HDX: variants seen among roughly 807,000 people sequenced by gnomAD.
HDX encodes highly divergent homeobox.
HDX carries 19 observed loss-of-function variants against 45.2 expected under a neutral mutation model. The ratio of observed to expected loss-of-function variants is 0.42; its 90% CI spans 0.29 to 0.62. HDX has a LOEUF of 0.62. HDX is among the 20% of genes least tolerant of loss of function. The pLI is 0.20. For missense variants in HDX, 532 were observed against 493.9 expected (o/e 1.08, Z -0.73); for synonymous variants, 188 against 172.8 (o/e 1.09, Z -0.69).
chrX:84,439,303 C>T (rs2148057364), intron 5 of HDX, among the ~76,000 whole-genome samples: 1 of 111,080 alleles, frequency 9.0e-6, no homozygotes. Context: ...GGCTGTTAGA[C>T]CTTTGTCAGA....
intron 4 of HDX, among the ~76,000 whole-genome samples, chrX:84,441,069 G>A (rs963521002): frequency 2.7e-5 from 3 of 110,645 alleles, no homozygotes; most frequent in African/African-American, 9.8e-5. Context: ...TGAAAAAGTT[G>A]AATTATAAAT....
At chrX:84,493,277 T>G (rs1418406095) in intron 1 of HDX, among the ~76,000 whole-genome samples, 1 of 112,158 alleles carries the variant, frequency 8.9e-6, no homozygotes, top group East Asian at 2.8e-4. Context: ...AAATGTATTG[T>G]ACACATCTCT....
intron 5 of HDX, among the ~76,000 whole-genome samples, chrX:84,397,157 TG>T (rs907172000): frequency 1.8e-5 from 2 of 112,279 alleles, no homozygotes; most frequent in African/African-American, 6.5e-5. Context: ...CACTGCATGG[TG>T]GCTTCTCTCC....
chrX:84,394,466 G>A (rs1199362243), intron 5 of HDX, among the ~76,000 whole-genome samples: 5 of 111,753 alleles, frequency 4.5e-5, no homozygotes, highest in Non-Finnish European at 7.6e-5. Context: ...AAGAATGTGT[G>A]TTCTGTAGTT....
chrX:84,461,064 A>G (rs1002623867), intron 4 of HDX, among the ~76,000 whole-genome samples: 1 of 111,784 alleles, frequency 8.9e-6, no homozygotes, highest in Non-Finnish European at 1.9e-5. Flanking sequence ...CTCATGAATT[A>G]AAGGAATCAA....
chrX:84,360,366 T>C (rs574049667), intron 6 of HDX, among the ~76,000 whole-genome samples: 5 of 112,432 alleles, frequency 4.4e-5, no homozygotes, highest in African/African-American at 1.6e-4. Flanking sequence ...TCATTCATTA[T>C]ATGAGATATA....
intron 5 of HDX, among the ~76,000 whole-genome samples, chrX:84,426,863 T>C (rs1376662986): frequency 9.0e-6 from 1 of 110,868 alleles, no homozygotes; most frequent in African/African-American, 3.3e-5. Context: ...TTGAGTGTAG[T>C]AATCATTTCA....
chrX:84,359,155 G>A lies in HDX; in HGVS notation c.1452+2311C>T, dbSNP rs2147843163. ...ATGGAACATAAACTACTGTTCCAATGATTGATCAGTATAATTTTTAAAATT... is the reference window on the plus strand; with the variant it reads ...ATGGAACATAAACTACTGTTCCAATAATTGATCAGTATAATTTTTAAAATT... On this transcript the variant is annotated intron_variant, in intron 6 of 10. Coordinates refer to ENST00000373177, the MANE Select transcript of HDX (RefSeq NM_001177479.2). Among the ~76,000 whole-genome samples the A allele has an allele frequency of 1.8e-5, 2 of 110,687 alleles. 1 individual carries two copies. The highest frequency in any genetic ancestry group is 7.7e-4 in the South Asian group (2 of 2,591).
chrX:84,364,642 A>G (rs1278134731), intron 5 of HDX, among the ~76,000 whole-genome samples: 1 of 107,618 alleles, frequency 9.3e-6, no homozygotes, highest in Non-Finnish European at 1.9e-5. Context: ...AGCCAGGACT[A>G]CAGGCGCCCG....
Position 84,469,531 on chromosome X carries a change from A to G in HDX, c.192T>C (p.Ser64=). ...NKRRKMSSKN[S]ESGTATTGTS... Reference sequence around the variant, plus strand: ...TTCCTGTTGTTGCTGTTCCAGATTCAGAGTTCTTACTACTCATCTTTCTTC... The same window carrying G: ...TTCCTGTTGTTGCTGTTCCAGATTCGGAGTTCTTACTACTCATCTTTCTTC... Residue 64 remains serine (S), a synonymous_variant, in exon 4 of 11, where the codon TCT becomes TCC. Transcript: ENST00000373177. The G allele has an allele frequency of 8.3e-7, 1 of 1,205,251 alleles. No individual in the cohort carries two copies. The highest frequency in any genetic ancestry group is 1.7e-5 in the African/African-American group (1 of 57,725).
At chrX:84,365,955 T>C (rs755359916) in intron 5 of HDX, among the ~76,000 whole-genome samples, 1 of 111,716 alleles carries the variant, frequency 9.0e-6, no homozygotes, top group Non-Finnish European at 1.9e-5. Context: ...ACCACTCCAA[T>C]TCAACATAGT....
chrX:84,413,952 G>C (rs888013276), intron 5 of HDX, among the ~76,000 whole-genome samples: 1 of 111,449 alleles, frequency 9.0e-6, no homozygotes, highest in East Asian at 2.8e-4. Flanking sequence ...ATATGATAAA[G>C]TAATATAATA....
At chrX:84,438,641 G>A (rs751830780) in intron 5 of HDX, among the ~76,000 whole-genome samples, 2 of 109,541 alleles carry the variant, frequency 1.8e-5, no homozygotes, top group Non-Finnish European at 3.8e-5. Context: ...GAGACCATGC[G>A]GTATTTGGTT....
intron 5 of HDX, among the ~76,000 whole-genome samples, chrX:84,369,430 C>T (rs2037840364): frequency 8.9e-6 from 1 of 111,847 alleles, no homozygotes; most frequent in Non-Finnish European, 1.9e-5. Context: ...GGAATATATA[C>T]CCAGAAGTGG....
intron 6 of HDX, among the ~76,000 whole-genome samples, chrX:84,360,373 TA>T: frequency 8.9e-6 from 1 of 112,319 alleles, no homozygotes; most frequent in East Asian, 2.8e-4. Context: ...TTATATGAGA[TA>T]TATTTCAATT....
chrX:84,451,639 A>G (rs1435670365), intron 4 of HDX, among the ~76,000 whole-genome samples: 1 of 111,370 alleles, frequency 9.0e-6, no homozygotes, highest in Admixed American at 9.6e-5. Flanking sequence ...AAACTATTCC[A>G]ATAAAATTGA....
At chrX:84,485,295 T>C (rs2040768004) in intron 2 of HDX, among the ~76,000 whole-genome samples, 1 of 112,124 alleles carries the variant, frequency 8.9e-6, no homozygotes, top group African/African-American at 3.2e-5. Context: ...TATATCCTTA[T>C]TGACTTCCTC....
chrX:84,353,110 T>C (rs1361545150), intron 6 of HDX, among the ~76,000 whole-genome samples: 1 of 112,427 alleles, frequency 8.9e-6, no homozygotes, highest in Non-Finnish European at 1.9e-5. Context: ...GTATGTGATA[T>C]TTTATTGTAA....
chrX:84,452,275 C>A (rs771943486), intron 4 of HDX, among the ~76,000 whole-genome samples: 2 of 110,711 alleles, frequency 1.8e-5, no homozygotes, highest in East Asian at 2.8e-4. Flanking sequence ...GGAAAATCCA[C>A]CAAAATAATT....
Sources: allele counts gnomAD v4.1 joint callset (sites outside exome capture counted in the v4.1 genomes callset), GRCh38; gene constraint gnomAD v4.1.1; transcripts MANE v1.5; gene names NCBI Gene and HGNC (gene_info 2026-07-23, HGNC 2026-07-21).